FKBP1A: variants seen among roughly 807,000 people sequenced by gnomAD.
FKBP1A encodes FKBP prolyl isomerase 1A, also known as peptidyl-prolyl cis-trans isomerase FKBP1A.
In FKBP1A, 5 loss-of-function variants were observed where a neutral mutation model predicts 14.2. That is an observed-to-expected ratio of 0.35 (90% CI 0.18 to 0.74). The LOEUF (loss-of-function observed/expected upper bound fraction) is 0.74, where lower values mean the gene tolerates loss of function less well. FKBP1A is among the 30% of genes least tolerant of loss of function. The probability of loss-of-function intolerance (pLI) is 0.56; values close to 1 mark genes in which losing one functional copy is unlikely to be tolerated. For synonymous variants in FKBP1A, 42 were observed against 49.1 expected (o/e 0.86, Z 0.60); for missense variants, 53 against 138.8 (o/e 0.38, Z 3.10).
chr20:1,383,187 G>A (rs773949766), intron 2 of FKBP1A, among the ~76,000 whole-genome samples: 4 of 151,976 alleles, frequency 2.6e-5, no homozygotes, highest in Non-Finnish European at 4.4e-5. Flanking sequence ...CCTTCTACTG[G>A]GTAACAGGAC....
chr20:1,385,419 A>G (rs2122699478), intron 2 of FKBP1A, among the ~76,000 whole-genome samples: 1 of 152,202 alleles, frequency 6.6e-6, no homozygotes, highest in South Asian at 2.1e-4. Context: ...ACCACTTAAC[A>G]ATAGCTAGCT....
At chr20:1,377,318 T>C (rs373276672) in intron 2 of FKBP1A, 1 of 152,180 alleles carries the variant, frequency 6.6e-6, no homozygotes, top group Non-Finnish European at 1.5e-5. Context: ...GGTATCTTAA[T>C]AGAGCAGGAG....
In FKBP1A at chr20:1,374,328, C is replaced by T. The variant is rs998417878; in HGVS notation, c.198+1163G>A. Among the ~76,000 whole-genome samples, 4 of 152,248 alleles carry T rather than the reference C, an allele frequency of 2.6e-5. No homozygotes were observed. In the South Asian group the frequency reaches 6.2e-4, roughly 24 times the overall value. On this transcript the variant is annotated intron_variant, in intron 3 of 4. Transcript: ENST00000400137. ...GTGTTGGCAGAACAAAAGCTGTTTC[C>T]ACAAATGGGGAGGAAAGAGATTAGG... is the stretch of plus-strand genomic sequence containing the variant.
chr20:1,389,649 A>G (rs571910531), intron 2 of FKBP1A, among the ~76,000 whole-genome samples: 1 of 152,284 alleles, frequency 6.6e-6, no homozygotes, highest in East Asian at 1.9e-4. Context: ...CAAGGACAAA[A>G]TGTCCAGTTA....
intron 2 of FKBP1A, among the ~76,000 whole-genome samples, chr20:1,391,983 G>A (rs934875517): frequency 2.6e-5 from 4 of 151,832 alleles, no homozygotes; most frequent in African/African-American, 7.3e-5. Context: ...GAGTAAGACA[G>A]CCCCAAGGCA....
At chr20:1,391,523 C>CA (rs1410243171) in intron 2 of FKBP1A, 3 of 395,698 alleles carry the variant, frequency 7.6e-6, no homozygotes, top group Non-Finnish European at 1.3e-5. Context: ...TAGTCCTTAA[C>CA]TTCTACCTCC....
intron 2 of FKBP1A, chr20:1,376,688 T>C (rs548773138): frequency 5.3e-5 from 8 of 152,158 alleles, no homozygotes; most frequent in Non-Finnish European, 7.3e-5. Flanking sequence ...GTGAAAATAG[T>C]AAATAGTAAA....
intron 3 of FKBP1A, 110 bp downstream of exon 3, chr20:1,375,381 G>T: frequency 2.7e-6 from 2 of 729,856 alleles, no homozygotes; most frequent in Non-Finnish European, 4.7e-6. Flanking sequence ...GATGGCATGA[G>T]GGTGAGACTT....
At chr20:1,371,043 G>A (rs1432170656) in intron 4 of FKBP1A, 6 of 985,320 alleles carry the variant, frequency 6.1e-6, no homozygotes, top group Middle Eastern at 5.2e-4. Flanking sequence ...ACAGGACCAG[G>A]TTACAAGTAG....
intron 4 of FKBP1A, chr20:1,370,984 T>C: frequency 1.0e-6 from 1 of 985,398 alleles, no homozygotes; most frequent in Non-Finnish European, 1.2e-6. Flanking sequence ...AAGGTGTGTG[T>C]GGTTCAAACA....
intron 2 of FKBP1A, among the ~76,000 whole-genome samples, chr20:1,388,277 G>C (rs1224670359): frequency 6.6e-6 from 1 of 152,230 alleles, no homozygotes; most frequent in African/African-American, 2.4e-5. Context: ...CAGTAAGACA[G>C]ATGTGGAGTA....
At chr20:1,377,583 T>C (rs1600330316) in intron 2 of FKBP1A, 1 of 151,938 alleles carries the variant, frequency 6.6e-6, no homozygotes, top group Non-Finnish European at 1.5e-5. Context: ...GAAAAACAGG[T>C]CTCCAGGCTC....
At chr20:1,389,401 C>T (rs908011226) in intron 2 of FKBP1A, among the ~76,000 whole-genome samples, 32 of 152,314 alleles carry the variant, frequency 2.1e-4, no homozygotes, top group African/African-American at 7.5e-4. Context: ...TCCCTCCAGA[C>T]ATCAGATCAC....
intron 2 of FKBP1A, among the ~76,000 whole-genome samples, chr20:1,380,044 T>G (rs986940624): frequency 6.6e-6 from 1 of 152,106 alleles, no homozygotes; most frequent in Admixed American, 6.6e-5. Flanking sequence ...AGGATCAGAT[T>G]TGTTCATGAA....
In FKBP1A at chr20:1,375,800, T is replaced by C. The variant is rs147693071; in HGVS notation, c.86-197A>G. On this transcript the variant is annotated intron_variant, in intron 2 of 4. Transcript: ENST00000400137. ...CCTACTCCAGACCTGTGAATGCTCT[T>C]CCCTGACTCCAAGCAATAACTCGAC... Among the ~76,000 whole-genome samples, 657 of 152,080 alleles carry C rather than the reference T, an allele frequency of 4.3e-3. 8 individuals carry two copies. The highest frequency in any genetic ancestry group is 0.015 in the African/African-American group (636 of 41,456).
chr20:1,392,915 G>A, intron 1 of FKBP1A, 34 bp from the exon 2 acceptor site: 1 of 1,532,918 alleles, frequency 6.5e-7, no homozygotes, highest in Non-Finnish European at 8.8e-7. Flanking sequence ...CTGAGCCGAT[G>A]CGCGCGGCGG....
chr20:1,389,860 T>C (rs2122710254), intron 2 of FKBP1A, among the ~76,000 whole-genome samples: 1 of 152,272 alleles, frequency 6.6e-6, no homozygotes, highest in African/African-American at 2.4e-5. Context: ...CTAAAGGCAC[T>C]TACTTGGCAG....
At chr20:1,374,372 C>T (rs2089509404) in intron 3 of FKBP1A, 2 of 152,174 alleles carry the variant, frequency 1.3e-5, no homozygotes, top group African/African-American at 4.8e-5. Flanking sequence ...TCAAGACAAA[C>T]GAAATGACTT....
chr20:1,370,621 CT>C, intron 4 of FKBP1A: 1 of 985,414 alleles, frequency 1.0e-6, no homozygotes, highest in Non-Finnish European at 1.2e-6. Context: ...TTAAAACTTT[CT>C]GGGTTTGCCC....
Sources: gnomAD v4.1 joint callset for allele counts (sites outside exome capture counted in the v4.1 genomes callset) on GRCh38, gnomAD v4.1.1 for gene constraint, MANE v1.5 for transcripts, NCBI Gene and HGNC (gene_info 2026-07-23, HGNC 2026-07-21) for gene names.